The following OSBPL10 variants were observed in gnomAD, a reference collection of about 807,000 sequenced individuals.
OSBPL10 encodes the protein oxysterol binding protein like 10, also known as oxysterol-binding protein-related protein 10.
In OSBPL10, 49 loss-of-function variants were observed where a neutral mutation model predicts 81.7. That is an observed-to-expected ratio of 0.60 (90% CI 0.48 to 0.76). OSBPL10 has a LOEUF of 0.76. OSBPL10 is among the 30% of genes least tolerant of loss of function. OSBPL10 has a pLI of 0.00. For synonymous variants in OSBPL10, 419 were observed against 383.6 expected (o/e 1.09, Z -1.08); for missense variants, 923 against 987.8 (o/e 0.93, Z 0.88).
chr3:31,761,119 C>G (rs1698023699), intron 4 of OSBPL10, among the ~76,000 whole-genome samples: 1 of 152,130 alleles, frequency 6.6e-6, no homozygotes, highest in African/African-American at 2.4e-5. Flanking sequence ...AAAATCCAAA[C>G]CAGTATTTTA....
chr3:31,849,314 T>A (rs1204042239), intron 3 of OSBPL10, among the ~76,000 whole-genome samples: 1 of 149,454 alleles, frequency 6.7e-6, no homozygotes, highest in East Asian at 2.0e-4. Flanking sequence ...CAAAGCAATA[T>A]AGACAGTATG....
chr3:31,802,807 A>G (rs1426648509), intron 4 of OSBPL10, among the ~76,000 whole-genome samples: 1 of 151,896 alleles, frequency 6.6e-6, no homozygotes, highest in East Asian at 1.9e-4. Flanking sequence ...CTCTTTTCCC[A>G]CTACTTGGAA....
chr3:31,662,201 G>A lies in OSBPL10; in HGVS notation c.2251-85C>T. The A allele has an allele frequency of 2.5e-6, 4 of 1,598,496 alleles. No individual in the cohort carries two copies. The East Asian group carries it at 9.0e-5, about 36-fold the overall frequency. On this transcript the variant is annotated intron_variant, in intron 11 of 11. Coordinates refer to ENST00000396556, the MANE Select transcript of OSBPL10 (RefSeq NM_017784.5). ...GCAAGGATAACCGCAGCCACTCTGT[G>A]TGTCTGCCGTGTCTTAATACCTCAC...
intron 8 of OSBPL10, among the ~76,000 whole-genome samples, chr3:31,672,393 AGG>A (rs1367137963): frequency 4.1e-5 from 3 of 72,874 alleles, no homozygotes; most frequent in African/African-American, 9.6e-5. Flanking sequence ...GGAGAGGGAG[AGG>A]GAGAGAGAGA....
chr3:31,890,453 C>T (rs893858937), intron 1 of OSBPL10, among the ~76,000 whole-genome samples: 1 of 151,978 alleles, frequency 6.6e-6, no homozygotes, highest in African/African-American at 2.4e-5. Flanking sequence ...GGGATCATCA[C>T]CTGGCATTAT....
chr3:31,856,362 G>C (rs1221371734), intron 3 of OSBPL10, among the ~76,000 whole-genome samples: 2 of 152,092 alleles, frequency 1.3e-5, no homozygotes, highest in Non-Finnish European at 2.9e-5. Flanking sequence ...TTTACACTTA[G>C]TTTTAAGTAC....
intron 1 of OSBPL10, among the ~76,000 whole-genome samples, chr3:31,964,046 C>G (rs1262825086): frequency 1.3e-5 from 2 of 152,186 alleles, no homozygotes; most frequent in Non-Finnish European, 2.9e-5. Context: ...TTGGGAGACA[C>G]AGGTAAATCT....
At position 31,684,056 on chromosome 3, in the gene OSBPL10, A is replaced by C; in HGVS notation, c.1304T>G (p.Phe435Cys). 2 of 1,614,230 alleles carry C rather than the reference A, an allele frequency of 1.2e-6. No individual in the cohort carries two copies. The highest frequency in any genetic ancestry group is 1.7e-6 in the Non-Finnish European group (2 of 1,180,056). ...CAGCAGTAGGTCTGGGTGCGCCATG[A>C]AATCTGCATACATCTCCAGCAAAGA... is the stretch of plus-strand genomic sequence containing the variant. ...KRSLLEMYAD[F>C]MAHPDLLLAI... is the part of the protein sequence containing the mutation. The change falls in exon 8 of 12, where the codon TTC becomes TGC. Residue 435 changes from phenylalanine (F) to cysteine (C), a missense_variant. By Grantham distance (205) the Phe-to-Cys change is radical. Around this residue, in one of 3 missense-constraint regions of OSBPL10, gnomAD observed 387 missense variants for 436.3 expected, o/e 0.89. Coordinates refer to ENST00000396556, the MANE Select transcript of OSBPL10 (RefSeq NM_017784.5).
chr3:31,890,823 A>G (rs1380293048), intron 1 of OSBPL10, among the ~76,000 whole-genome samples: 1 of 152,128 alleles, frequency 6.6e-6, no homozygotes, highest in African/African-American at 2.4e-5. Flanking sequence ...CTCACAAATT[A>G]TATCTTATTC....
intron 1 of OSBPL10, chr3:31,906,903 C>A (rs1696423720): frequency 6.6e-6 from 1 of 152,212 alleles, no homozygotes; most frequent in Non-Finnish European, 1.5e-5. Flanking sequence ...GACAGCCTGC[C>A]TGTGAAACCC....
intron 5 of OSBPL10, among the ~76,000 whole-genome samples, chr3:31,736,035 T>C (rs1697161496): frequency 6.6e-6 from 1 of 152,106 alleles, no homozygotes; most frequent in Non-Finnish European, 1.5e-5. Context: ...GTGCACGTTA[T>C]AGCCTCCTAA....
At chr3:31,816,119 CCA>C in intron 4 of OSBPL10, among the ~76,000 whole-genome samples, 1 of 152,154 alleles carries the variant, frequency 6.6e-6, no homozygotes, top group East Asian at 1.9e-4. Context: ...TCAGTCTGCC[CCA>C]GTTGCTGAAT....
intron 4 of OSBPL10, among the ~76,000 whole-genome samples, chr3:31,760,560 A>T (rs536802380): frequency 7.9e-5 from 12 of 152,228 alleles, no homozygotes; most frequent in Non-Finnish European, 1.5e-4. Context: ...GTGACAAGAA[A>T]AAGTTTGTAC....
At chr3:31,728,234 T>C (rs958177025) in intron 6 of OSBPL10, among the ~76,000 whole-genome samples, 28 of 152,228 alleles carry the variant, frequency 1.8e-4, no homozygotes, top group Non-Finnish European at 3.7e-4. Flanking sequence ...CTTGATAGCA[T>C]TGTTGCCACT....
intron 1 of OSBPL10, among the ~76,000 whole-genome samples, chr3:31,930,009 A>G (rs944860172): frequency 6.7e-6 from 1 of 149,482 alleles, no homozygotes; most frequent in Non-Finnish European, 1.5e-5. Flanking sequence ...CAACCAAAAA[A>G]AAAAAAAAAA....
intron 6 of OSBPL10, among the ~76,000 whole-genome samples, chr3:31,719,152 T>C (rs1176058768): frequency 6.6e-6 from 1 of 152,210 alleles, no homozygotes; most frequent in Non-Finnish European, 1.5e-5. Flanking sequence ...AATTTTAAAC[T>C]AATGCTAAAT....
intron 2 of OSBPL10, among the ~76,000 whole-genome samples, chr3:32,026,072 TA>T (rs772239545): frequency 6.9e-4 from 73 of 105,964 alleles, no homozygotes; most frequent in Non-Finnish European, 1.1e-3. Context: ...GATAGATAGA[TA>T]GATAGATAGA....
chr3:32,020,858 T>C (rs1420170043), intron 2 of OSBPL10, among the ~76,000 whole-genome samples: 3 of 152,196 alleles, frequency 2.0e-5, no homozygotes, highest in Non-Finnish European at 4.4e-5. Context: ...ACTGCCATAA[T>C]GAAATACCAC....
At chr3:31,945,131 C>G (rs1361231219) in intron 1 of OSBPL10, among the ~76,000 whole-genome samples, 1 of 114,654 alleles carries the variant, frequency 8.7e-6, no homozygotes, top group Non-Finnish European at 1.6e-5. Flanking sequence ...AGCCTGGCGA[C>G]AGAGCAAGAC....
Sources: gnomAD v4.1 joint callset for allele counts (sites outside exome capture counted in the v4.1 genomes callset) on GRCh38, gnomAD v4.1.1 for gene constraint, gnomAD v4.1.1 regional missense constraint, MANE v1.5 for transcripts, NCBI Gene and HGNC (gene_info 2026-07-23, HGNC 2026-07-21) for gene names.